Variants in CASK observed in about 807,000 individuals in gnomAD.
CASK encodes the protein peripheral plasma membrane protein CASK.
In CASK, 4 loss-of-function variants were observed where a neutral mutation model predicts 82.9. That is an observed-to-expected ratio of 0.05 (90% CI 0.02 to 0.11). The LOEUF (loss-of-function observed/expected upper bound fraction) is 0.11, where lower values mean the gene tolerates loss of function less well. Among genes scored for constraint, CASK ranks in the 10% least tolerant of loss-of-function variants. The probability of loss-of-function intolerance (pLI) is 1.00; values close to 1 mark genes in which losing one functional copy is unlikely to be tolerated. For missense variants in CASK, 358 were observed against 720.9 expected, an observed-to-expected ratio of 0.50 and a Z score of 5.76; for synonymous variants, 259 against 253.5, an observed-to-expected ratio of 1.02 and a Z score of -0.20.
At chrX:41,626,829 G>T in intron 9 of CASK, 126 bp from the exon 10 acceptor site, 1 of 495,010 alleles carries the variant, frequency 2.0e-6, no homozygotes, top group Non-Finnish European at 3.5e-6. Flanking sequence ...ATGGCTAGAA[G>T]AGAGGTAGTT....
chrX:41,529,187 C>T (rs959032657), intron 25 of CASK, among the ~76,000 whole-genome samples: 4 of 111,687 alleles, frequency 3.6e-5, no homozygotes, highest in Non-Finnish European at 7.5e-5. Context: ...GTGAGCTCAT[C>T]CAGCACTCAG....
chrX:41,833,925 T>C (rs572870448), intron 2 of CASK, among the ~76,000 whole-genome samples: 2 of 110,947 alleles, frequency 1.8e-5, no homozygotes, highest in Admixed American at 9.6e-5. Context: ...ATTTTTTGTA[T>C]TTTTTGTAGA....
chrX:41,810,548 A>T (rs1222376583), intron 2 of CASK, among the ~76,000 whole-genome samples: 1 of 111,438 alleles, frequency 9.0e-6, no homozygotes, highest in Non-Finnish European at 1.9e-5. Context: ...AGATTTTGTC[A>T]CCACCAGGCC....
rs370654475 is a variant in CASK at position 41,707,987 on chromosome X, G to A, written c.429+31397C>T. Among the ~76,000 whole-genome samples the A allele has an allele frequency of 6.3e-3, 698 of 110,541 alleles. 2 individuals are homozygous for A. Among genetic ancestry groups the A allele is most frequent in the Admixed American group, 8.3e-3 (86 of 10,378 alleles). ...ACAAAAATTAGCTGGGCGTGGTGGC[G>A]CGTGCCTGTAATCCCAGCTACTCGG... On this transcript the variant is annotated intron_variant, in intron 5 of 26. Transcript: ENST00000378163.
intron 5 of CASK, among the ~76,000 whole-genome samples, chrX:41,686,834 G>C (rs954940849): frequency 8.0e-5 from 9 of 111,880 alleles, no homozygotes; most frequent in Non-Finnish European, 1.5e-4. Flanking sequence ...CACCAAACAA[G>C]CGTATACATT....
At chrX:41,570,413 T>C (rs1345784247) in intron 15 of CASK, among the ~76,000 whole-genome samples, 3 of 111,873 alleles carry the variant, frequency 2.7e-5, no homozygotes, top group Non-Finnish European at 5.6e-5. Flanking sequence ...CATTGATATA[T>C]AATTGACATA....
At chrX:41,891,142 G>A (rs749294129) in intron 1 of CASK, among the ~76,000 whole-genome samples, 2 of 109,521 alleles carry the variant, frequency 1.8e-5, no homozygotes, top group South Asian at 3.9e-4. Context: ...TGCCCACCTC[G>A]GCCTCCCAAA....
intron 5 of CASK, among the ~76,000 whole-genome samples, chrX:41,709,607 C>G (rs749148210): frequency 9.0e-6 from 1 of 111,454 alleles, no homozygotes; most frequent in Non-Finnish European, 1.9e-5. Flanking sequence ...CCACATCCAT[C>G]ATCTAGAAAG....
At chrX:41,748,908 A>T (rs1602566013) in intron 3 of CASK, among the ~76,000 whole-genome samples, 1 of 112,102 alleles carries the variant, frequency 8.9e-6, no homozygotes, top group Middle Eastern at 4.6e-3. Context: ...CAATCTCTAC[A>T]CATGTGCATA....
At chrX:41,664,167 C>T in intron 7 of CASK, among the ~76,000 whole-genome samples, 1 of 112,227 alleles carries the variant, frequency 8.9e-6, no homozygotes, top group Middle Eastern at 4.6e-3. Flanking sequence ...CTTATATGCA[C>T]TCATAAACTG....
At chrX:41,862,659 C>G (rs1017729234) in intron 1 of CASK, among the ~76,000 whole-genome samples, 9 of 109,589 alleles carry the variant, frequency 8.2e-5, no homozygotes, top group Non-Finnish European at 1.5e-4. Context: ...GACCAAAGAT[C>G]ACTATGACAG....
At chrX:41,773,912 C>A (rs1280421913) in intron 3 of CASK, among the ~76,000 whole-genome samples, 1 of 111,654 alleles carries the variant, frequency 9.0e-6, no homozygotes, top group Non-Finnish European at 1.9e-5. Flanking sequence ...TTACTTTCTA[C>A]TATTGTAGAC....
intron 3 of CASK, among the ~76,000 whole-genome samples, chrX:41,772,094 T>C (rs1201009461): frequency 1.8e-5 from 2 of 111,201 alleles, no homozygotes; most frequent in Non-Finnish European, 3.8e-5. Flanking sequence ...CTCATGCCTG[T>C]AATCCCAGCA....
chrX:41,922,801 A>T, intron 1 of CASK, 129 bp downstream of exon 1: 2 of 588,988 alleles, frequency 3.4e-6, no homozygotes, highest in Non-Finnish European at 5.8e-6. Flanking sequence ...ATACTCCAGG[A>T]TGAGAAGGAC....
At chrX:41,686,608 C>G (rs1434286326) in intron 5 of CASK, among the ~76,000 whole-genome samples, 1 of 111,045 alleles carries the variant, frequency 9.0e-6, no homozygotes, top group Non-Finnish European at 1.9e-5. Flanking sequence ...GTTTTGAGAA[C>G]CACTGGACTA....
In CASK at chrX:41,570,016, T is replaced by TC. The variant is rs1279969642; in HGVS notation, c.1504-271_1504-270insG. On this transcript the variant is annotated intron_variant, in intron 15 of 26. Coordinates refer to ENST00000378163, the MANE Select transcript of CASK (RefSeq NM_001367721.1). ...TTCTTTTCTTTTCTTTTTTCTTTTT[T>TC]TTTTTTTTTTTTTTGAGACTCTGTC... 3.8e-3 allele frequency among the ~76,000 whole-genome samples: 353 copies of TC among 92,701 alleles called. 3 individuals carry two copies. The highest frequency in any genetic ancestry group is 6.4e-3 in the Non-Finnish European group (297 of 46,573). The allele number at this position is 92,701 out of a possible 115,157, so 80.5% of individuals were successfully genotyped here.
intron 12 of CASK, among the ~76,000 whole-genome samples, chrX:41,596,494 C>T: frequency 8.9e-6 from 1 of 112,189 alleles, no homozygotes. Context: ...TTGCTATTTG[C>T]TTTCCTGAAA....
At chrX:41,731,050 G>T (rs565480285) in intron 5 of CASK, among the ~76,000 whole-genome samples, 1 of 112,061 alleles carries the variant, frequency 8.9e-6, no homozygotes, top group African/African-American at 3.2e-5. Flanking sequence ...AAACTCATCC[G>T]ACTAAGACAG....
chrX:41,599,949 C>T (rs992802779), intron 12 of CASK, among the ~76,000 whole-genome samples: 4 of 111,750 alleles, frequency 3.6e-5, no homozygotes, highest in African/African-American at 9.8e-5. Context: ...GATACAAGAG[C>T]TTGCCCAACT....
Sources: allele counts gnomAD v4.1 joint callset (sites outside exome capture counted in the v4.1 genomes callset), GRCh38; gene constraint gnomAD v4.1.1; transcripts MANE v1.5; gene names NCBI Gene and HGNC (gene_info 2026-07-23, HGNC 2026-07-21).